The following CREB5 variants were observed in gnomAD, a reference collection of about 807,000 sequenced individuals.
The protein encoded by CREB5 is cAMP responsive element binding protein 5.
A neutral mutation model predicts 57.1 loss-of-function variants in CREB5; 19 were observed. That is an observed-to-expected ratio of 0.33 (90% confidence interval 0.23 to 0.49). CREB5 has a LOEUF of 0.49. Among genes scored for constraint, CREB5 ranks in the 20% least tolerant of loss-of-function variants. The probability of loss-of-function intolerance (pLI) is 0.99; values close to 1 mark genes in which losing one functional copy is unlikely to be tolerated. For missense variants in CREB5, 579 were observed against 671.6 expected, an observed-to-expected ratio of 0.86 and a Z score of 1.52; for synonymous variants, 238 against 238.3, an observed-to-expected ratio of 1.00 and a Z score of 0.01.
intron 1 of CREB5, among the ~76,000 whole-genome samples, chr7:28,449,634 G>A (rs1481511191): frequency 6.6e-6 from 1 of 152,188 alleles, no homozygotes; most frequent in Admixed American, 6.5e-5. Context: ...AGTGAAAAAT[G>A]AGTAAATTGC....
Position 28,406,623 on chromosome 7 carries a change from C to G in CREB5, c.-24-88283C>G, listed in dbSNP as rs536651475. Among the ~76,000 whole-genome samples the G allele has an allele frequency of 3.3e-5, 5 of 152,334 alleles. No individual in the cohort carries two copies. In the South Asian group the frequency reaches 1.0e-3, roughly 32 times the overall value. Reference sequence around the variant, plus strand: ...TGAGAGGGCATTCCTAGTGGTGGTGCTGGCACCCCAGGGGGCAAATGCCCC... The same window carrying G: ...TGAGAGGGCATTCCTAGTGGTGGTGGTGGCACCCCAGGGGGCAAATGCCCC... On this transcript the variant is annotated intron_variant, in intron 1 of 9. Transcript: ENST00000396299.
At chr7:28,626,968 A>G (rs1798017930) in intron 5 of CREB5, among the ~76,000 whole-genome samples, 1 of 152,130 alleles carries the variant, frequency 6.6e-6, no homozygotes, top group African/African-American at 2.4e-5. Flanking sequence ...TTTTGCTCTC[A>G]ATGCTTGCAA....
intron 4 of CREB5, among the ~76,000 whole-genome samples, chr7:28,568,022 A>T (rs959247452): frequency 1.3e-5 from 2 of 152,168 alleles, no homozygotes. Flanking sequence ...GGGAAAAAGG[A>T]GGAAAAGAAG....
rs113373487 is a variant in CREB5, at chr7:28,377,039, A to T, written c.-25+77598A>T. ...TGCCCTCTGTGGCAATGCCTTAGTA[A>T]CCCTTGACTCATGATCTCCCAGTCT... On this transcript the variant is annotated intron_variant, in intron 1 of 9. Transcript: ENST00000396299. Among the ~76,000 whole-genome samples the T allele has an allele frequency of 8.3e-4, 127 of 152,266 alleles. 2 individuals carry two copies. Among genetic ancestry groups the T allele is most frequent in the African/African-American group, 3.0e-3 (125 of 41,544 alleles).
intron 1 of CREB5, among the ~76,000 whole-genome samples, chr7:28,328,567 TA>T (rs1186816708): frequency 6.6e-6 from 1 of 152,180 alleles, no homozygotes; most frequent in Non-Finnish European, 1.5e-5. Flanking sequence ...ATGCTTATTC[TA>T]AATAATAAAA....
rs551308946 is a variant in CREB5 at position 28,449,764 on chromosome 7, G to C, written c.3+36847G>C. On this transcript the variant is annotated intron_variant, in intron 1 of 10. Coordinates refer to ENST00000357727, the MANE Select transcript of CREB5 (RefSeq NM_182898.4). Reference sequence around the variant, plus strand: ...CCTCTCAAAGAAGAATATTCCTAACGTCAATGTCGAATTGGTTAACTTTTT... The same window carrying C: ...CCTCTCAAAGAAGAATATTCCTAACCTCAATGTCGAATTGGTTAACTTTTT... 5.3e-5 allele frequency among the ~76,000 whole-genome samples: 8 copies of C among 152,314 alleles called. 1 individual carries two copies. The South Asian group carries it at 1.7e-3, about 32-fold the overall frequency.
chr7:28,549,813 T>C (rs1055806548), intron 4 of CREB5, among the ~76,000 whole-genome samples: 1 of 152,184 alleles, frequency 6.6e-6, no homozygotes, highest in African/African-American at 2.4e-5. Flanking sequence ...TATTTTCTCT[T>C]AGAGGTTACA....
intron 1 of CREB5, among the ~76,000 whole-genome samples, chr7:28,403,562 C>T (rs1406810232): frequency 6.6e-6 from 1 of 152,066 alleles, no homozygotes; most frequent in Non-Finnish European, 1.5e-5. Context: ...AGAATCTGAA[C>T]TTCAGAGAGG....
chr7:28,424,573 A>C (rs1434105800), intron 1 of CREB5, among the ~76,000 whole-genome samples: 3 of 152,202 alleles, frequency 2.0e-5, no homozygotes, highest in South Asian at 2.1e-4. Flanking sequence ...CTGACTGACA[A>C]ATTTTTGCTA....
chr7:28,663,706 T>C (rs1045385277), intron 5 of CREB5, among the ~76,000 whole-genome samples: 5 of 152,234 alleles, frequency 3.3e-5, no homozygotes, highest in Non-Finnish European at 7.3e-5. Flanking sequence ...ATTTTTCTTC[T>C]GGAAATTTAA....
chr7:28,694,749 G>T (rs921241806), intron 5 of CREB5, among the ~76,000 whole-genome samples: 3 of 152,028 alleles, frequency 2.0e-5, no homozygotes, highest in Non-Finnish European at 4.4e-5. Context: ...GTATCCCTAT[G>T]TAGCCCAGGC....
intron 2 of CREB5, among the ~76,000 whole-genome samples, chr7:28,490,345 A>G (rs547580093): frequency 6.6e-6 from 1 of 152,324 alleles, no homozygotes; most frequent in South Asian, 2.1e-4. Flanking sequence ...TGGGGAGGTA[A>G]ATGCCAGTCT....
chr7:28,557,203 T>C (rs1217689746), intron 4 of CREB5, among the ~76,000 whole-genome samples: 1 of 128,466 alleles, frequency 7.8e-6, no homozygotes, highest in African/African-American at 2.8e-5. Flanking sequence ...AATTGTGCTT[T>C]TATATGCAGT....
intron 7 of CREB5, among the ~76,000 whole-genome samples, chr7:28,764,742 T>C (rs894294145): frequency 7.2e-5 from 11 of 152,222 alleles, no homozygotes; most frequent in Non-Finnish European, 1.6e-4. Flanking sequence ...GTTTTATATG[T>C]TTTCATAGGT....
intron 1 of CREB5, among the ~76,000 whole-genome samples, chr7:28,387,769 C>A (rs1583413695): frequency 3.3e-5 from 5 of 151,984 alleles, no homozygotes; most frequent in Admixed American, 3.3e-4. Context: ...ATGTAATAAA[C>A]CTGCACATCC....
intron 4 of CREB5, among the ~76,000 whole-genome samples, chr7:28,533,437 C>G (rs933084517): frequency 6.6e-6 from 1 of 152,196 alleles, no homozygotes; most frequent in South Asian, 2.1e-4. Flanking sequence ...TACCTGTCCC[C>G]GCACAGTTGC....
intron 7 of CREB5, among the ~76,000 whole-genome samples, chr7:28,726,459 A>G (rs1803343096): frequency 6.6e-6 from 1 of 152,194 alleles, no homozygotes. Flanking sequence ...TATACTAACC[A>G]TATAGTATTT....
At chr7:28,498,948 A>T (rs563855339) in intron 3 of CREB5, among the ~76,000 whole-genome samples, 7 of 152,334 alleles carry the variant, frequency 4.6e-5, no homozygotes, top group Admixed American at 1.3e-4. Context: ...TGAAGTGGGA[A>T]TGTGTAGAGG....
At chr7:28,803,059 T>C (rs1808465727) in intron 7 of CREB5, among the ~76,000 whole-genome samples, 1 of 152,238 alleles carries the variant, frequency 6.6e-6, no homozygotes, top group Admixed American at 6.5e-5. Context: ...TGACTCTTTA[T>C]AGAAAAAGTT....
Sources: gnomAD v4.1 joint callset for allele counts (sites outside exome capture counted in the v4.1 genomes callset) on GRCh38, gnomAD v4.1.1 for gene constraint, MANE v1.5 for transcripts, NCBI Gene and HGNC (gene_info 2026-07-23, HGNC 2026-07-21) for gene names.